Variants in TTC28 observed in about 807,000 individuals in gnomAD.
The protein encoded by TTC28 is tetratricopeptide repeat protein 28.
Under a neutral mutation model 198.0 loss-of-function variants are expected in TTC28, and 61 were observed. The observed-to-expected ratio is 0.31, with a 90% CI of 0.25 to 0.38. TTC28 has a LOEUF of 0.38. TTC28 is among the 10% of genes least tolerant of loss of function. The probability of loss-of-function intolerance (pLI) is 1.00; values close to 1 mark genes in which losing one functional copy is unlikely to be tolerated. For missense variants in TTC28, 2,678 were observed against 3,164.0 expected, an observed-to-expected ratio of 0.85 and a Z score of 3.69; for synonymous variants, 1,171 against 1,297.8, an observed-to-expected ratio of 0.90 and a Z score of 2.10.
At chr22:28,428,280 G>A (rs1010394422) in intron 2 of TTC28, among the ~76,000 whole-genome samples, 2 of 152,070 alleles carry the variant, frequency 1.3e-5, no homozygotes, top group African/African-American at 4.8e-5. Context: ...GAAAATATAC[G>A]AATTTGGAAT....
In TTC28 at chr22:28,612,821, G is replaced by A. The variant is rs565471631; in HGVS notation, c.381+16731C>T. On this transcript the variant is annotated intron_variant, in intron 2 of 22. Coordinates refer to ENST00000397906, the MANE Select transcript of TTC28 (RefSeq NM_001145418.2). ...CACAATGTGCCAGAATCTCTGATAC[G>A]CATTTAAAGTAGTGTTTAGAGAGAA... Among the ~76,000 whole-genome samples, 26 of 152,188 alleles carry A rather than the reference G, an allele frequency of 1.7e-4. 1 individual carries two copies. Among genetic ancestry groups the A allele is most frequent in the Admixed American group, 1.4e-3 (22 of 15,272 alleles).
At chr22:28,218,148 A>G (rs1164449348) in intron 5 of TTC28, among the ~76,000 whole-genome samples, 4 of 152,204 alleles carry the variant, frequency 2.6e-5, no homozygotes, top group Admixed American at 6.5e-5. Flanking sequence ...ATTTAAGACT[A>G]TATCAATGAA....
intron 2 of TTC28, among the ~76,000 whole-genome samples, chr22:28,575,002 C>T (rs1263099338): frequency 1.3e-5 from 2 of 152,116 alleles, no homozygotes; most frequent in Non-Finnish European, 2.9e-5. Flanking sequence ...TAGATTGTTT[C>T]CTTTGCTGTG....
intron 2 of TTC28, among the ~76,000 whole-genome samples, chr22:28,547,585 G>A (rs2145950596): frequency 6.6e-6 from 1 of 152,032 alleles, no homozygotes; most frequent in East Asian, 1.9e-4. Context: ...CTAGTATTCT[G>A]AGTCACAATT....
chr22:28,472,924 A>ATCCTTTCAAATC (rs1486454730), intron 2 of TTC28, among the ~76,000 whole-genome samples: 1 of 152,198 alleles, frequency 6.6e-6, no homozygotes, highest in Non-Finnish European at 1.5e-5. Context: ...AGAATGGAGA[A>ATCCTTTCAAATC]AGAAAGGATT....
chr22:28,182,281 T>C (rs1305392255), intron 5 of TTC28, among the ~76,000 whole-genome samples: 2 of 152,208 alleles, frequency 1.3e-5, no homozygotes, highest in Non-Finnish European at 2.9e-5. Context: ...CAATCAAAAC[T>C]GTTCCAGTCC....
At chr22:28,392,095 C>T (rs1385707884) in intron 2 of TTC28, among the ~76,000 whole-genome samples, 2 of 152,180 alleles carry the variant, frequency 1.3e-5, no homozygotes, top group Admixed American at 6.5e-5. Context: ...GTTGGAGTAC[C>T]TGGCTGTGTG....
rs561783080 is a variant in TTC28 at position 28,465,742 on chromosome 22, A to G, written c.382-159099T>C. Among the ~76,000 whole-genome samples the G allele has an allele frequency of 3.9e-5, 6 of 152,320 alleles. No individual in the cohort carries two copies. In the South Asian group the frequency reaches 1.2e-3, roughly 32 times the overall value. On this transcript the variant is annotated intron_variant, in intron 2 of 22. Transcript: ENST00000397906. ...GAGACGTTTAATTTTCTCTGATATT[A>G]ACAAAGACCAGACATCAGGAATCAA...
intron 2 of TTC28, among the ~76,000 whole-genome samples, chr22:28,512,861 C>T (rs974974276): frequency 5.3e-5 from 8 of 151,914 alleles, no homozygotes; most frequent in Non-Finnish European, 1.2e-4. Flanking sequence ...CAAAGAACCA[C>T]GGCGCATTTT....
At chr22:28,073,032 T>C (rs1337603895) in intron 12 of TTC28, among the ~76,000 whole-genome samples, 2 of 152,084 alleles carry the variant, frequency 1.3e-5, no homozygotes, top group African/African-American at 2.4e-5. Context: ...CATGTTATCA[T>C]AAGAGCCCAG....
At chr22:28,263,943 G>C (rs1467609723) in intron 5 of TTC28, among the ~76,000 whole-genome samples, 5 of 152,124 alleles carry the variant, frequency 3.3e-5, no homozygotes, top group Admixed American at 3.3e-4. Context: ...TTTGATACAG[G>C]AGGATGCTGT....
At chr22:28,417,759 C>T (rs1569314246) in intron 2 of TTC28, among the ~76,000 whole-genome samples, 1 of 152,138 alleles carries the variant, frequency 6.6e-6, no homozygotes, top group African/African-American at 2.4e-5. Flanking sequence ...ACATATCAGG[C>T]AAAGCTTTGG....
At chr22:28,178,341 C>T (rs950783896) in intron 5 of TTC28, among the ~76,000 whole-genome samples, 6 of 151,200 alleles carry the variant, frequency 4.0e-5, no homozygotes, top group African/African-American at 1.5e-4. Flanking sequence ...GTGGCACATG[C>T]CTGTAATCCC....
intron 6 of TTC28, among the ~76,000 whole-genome samples, chr22:28,160,889 G>A (rs1458542829): frequency 1.3e-5 from 2 of 152,158 alleles, no homozygotes; most frequent in Admixed American, 6.5e-5. Flanking sequence ...AGATACAGAA[G>A]GAGCAGCCAG....
chr22:28,054,552 G>A (rs1940201332), intron 12 of TTC28, among the ~76,000 whole-genome samples: 1 of 152,130 alleles, frequency 6.6e-6, no homozygotes, highest in Non-Finnish European at 1.5e-5. Flanking sequence ...ACAGAGCAGA[G>A]AGGGAGTGGT....
intron 6 of TTC28, 37 bp downstream of exon 6, chr22:28,163,055 C>A: frequency 6.6e-7 from 1 of 1,504,382 alleles, no homozygotes; most frequent in Admixed American, 2.2e-5. Context: ...CAGCTCATGA[C>A]TTTGACCTGG....
chr22:28,238,216 C>G (rs1339174476), intron 5 of TTC28, among the ~76,000 whole-genome samples: 1 of 152,088 alleles, frequency 6.6e-6, no homozygotes, highest in African/African-American at 2.4e-5. Context: ...TACATATATT[C>G]TAGTCTACCT....
At chr22:27,996,726 G>A (rs565952089) in intron 16 of TTC28, among the ~76,000 whole-genome samples, 100 of 152,176 alleles carry the variant, frequency 6.6e-4, no homozygotes, top group African/African-American at 1.8e-3. Flanking sequence ...GGGCTGAGGA[G>A]CACCGCATCC....
intron 2 of TTC28, among the ~76,000 whole-genome samples, chr22:28,371,554 G>A (rs556505224): frequency 4.9e-4 from 49 of 100,550 alleles, no homozygotes; most frequent in African/African-American, 1.8e-3. Flanking sequence ...GACAAGCCTG[G>A]GCAACATGGC....
Sources: gnomAD v4.1 joint callset for allele counts (sites outside exome capture counted in the v4.1 genomes callset) on GRCh38, gnomAD v4.1.1 for gene constraint, MANE v1.5 for transcripts, NCBI Gene and HGNC (gene_info 2026-07-23, HGNC 2026-07-21) for gene names.